Variants in TMEM52B observed in about 807,000 individuals in gnomAD.
The protein encoded by TMEM52B is chromosome 12 open reading frame 59.
In TMEM52B, 11 loss-of-function variants were observed where a neutral mutation model predicts 16.1. The ratio of observed to expected loss-of-function variants is 0.68; its 90% CI spans 0.43 to 1.13. The LOEUF is 1.13. Ranked by LOEUF, TMEM52B falls within the 50% of genes most tolerant of loss-of-function variation. The pLI, the probability that TMEM52B is intolerant of heterozygous loss-of-function variation, is 0.00. For missense variants in TMEM52B, 243 were observed against 230.4 expected, an observed-to-expected ratio of 1.05 and a Z score of -0.35; for synonymous variants, 101 against 93.8, an observed-to-expected ratio of 1.08 and a Z score of -0.45.
chr12:10,177,754 G>C (rs1217706482), upstream of TMEM52B, among the ~76,000 whole-genome samples: 1 of 145,480 alleles, frequency 6.9e-6, no homozygotes, highest in East Asian at 2.1e-4. Context: ...TGGTGACAGA[G>C]AGACTCTGTC....
intron 4 of TMEM52B, 31 bp downstream of exon 4, chr12:10,186,620 A>G: frequency 6.6e-7 from 1 of 1,511,392 alleles, no homozygotes; most frequent in South Asian, 1.3e-5. Context: ...ACCTGGGAGG[A>G]GGACCCAATT....
intron 4 of TMEM52B, among the ~76,000 whole-genome samples, chr12:10,188,562 A>C (rs1161303628): frequency 2.2e-3 from 327 of 151,364 alleles, no homozygotes; most frequent in African/African-American, 6.6e-3. Context: ...AAAAAGAAAA[A>C]GAAAAAGAAA....
upstream of TMEM52B, among the ~76,000 whole-genome samples, chr12:10,177,811 ATAAT>A (rs199565670): frequency 0.098 from 7,955 of 80,824 alleles, 272 homozygotes; most frequent in Middle Eastern, 0.17. Context: ...AATAATAATA[ATAAT>A]TTTTTTATTA....
intron 1 of TMEM52B, among the ~76,000 whole-genome samples, chr12:10,181,284 G>A (rs1340990718): frequency 6.6e-6 from 1 of 152,010 alleles, no homozygotes; most frequent in African/African-American, 2.4e-5. Flanking sequence ...ACATATCTAT[G>A]ATAGAGTTTG....
chr12:10,182,564 A>G lies in TMEM52B; in HGVS notation c.69A>G (p.Arg23=), dbSNP rs1278485605. The G allele has an allele frequency of 6.5e-7, 1 of 1,535,392 alleles. No homozygotes were observed. The highest frequency in any genetic ancestry group is 8.7e-7 in the Non-Finnish European group (1 of 1,146,456). ...TCTTTCTACAGCTTTCTGGGACGAG[A>G]TGTGAGGAAAACTGTGGTAATCCTG... The part of the protein sequence containing the change: ...LLYFILLSGT[R]CEENCGNPEH... The change falls in exon 2 of 5, where the codon AGA becomes AGG. Residue 23 remains arginine (R), a synonymous_variant. Coordinates refer to ENST00000543484, the MANE Select transcript of TMEM52B (RefSeq NM_001384896.1).
In TMEM52B at chr12:10,179,340, A is replaced by T. The variant is rs1948795368; in HGVS notation, c.-235A>T. On this transcript the variant is annotated 5_prime_UTR_variant, in exon 1 of 5. Transcript: ENST00000543484. ...GGAAGTAAATGTGGAGGCCATAGAA[A>T]TAGTAATAAGAATAAAGAAGAAAAA... 1 of 538,526 alleles carries T rather than the reference A, an allele frequency of 1.9e-6. No individual in the cohort carries two copies. The highest frequency in any genetic ancestry group is 1.9e-5 in the African/African-American group (1 of 52,916). The allele number at this position is 538,526 out of a possible 1,614,324, so 33.4% of individuals were successfully genotyped here.
intron 1 of TMEM52B, among the ~76,000 whole-genome samples, chr12:10,171,529 A>G (rs918473296): frequency 3.3e-5 from 5 of 152,152 alleles, no homozygotes; most frequent in Non-Finnish European, 5.9e-5. Flanking sequence ...TGCCTGAAGG[A>G]CTCTTACAGA....
upstream of TMEM52B, among the ~76,000 whole-genome samples, chr12:10,176,922 G>A (rs1170980977): frequency 6.6e-6 from 1 of 152,172 alleles, no homozygotes; most frequent in African/African-American, 2.4e-5. Flanking sequence ...GTGCTCTACT[G>A]TCTTTCTGTC....
chr12:10,174,592 C>T (rs932084759), upstream of TMEM52B, among the ~76,000 whole-genome samples: 5 of 152,280 alleles, frequency 3.3e-5, no homozygotes, highest in Non-Finnish European at 5.9e-5. Flanking sequence ...GTTCTCCACT[C>T]GCTGGCCGAG....
intron 1 of TMEM52B, chr12:10,172,530 G>T: frequency 6.4e-6 from 1 of 155,964 alleles, no homozygotes; most frequent in East Asian, 1.9e-4. Context: ...TGTCTTTTAC[G>T]AATCAGATAT....
At chr12:10,174,263 A>G (rs1328692070), upstream of TMEM52B, among the ~76,000 whole-genome samples, 5 of 151,998 alleles carry the variant, frequency 3.3e-5, no homozygotes, top group Non-Finnish European at 2.9e-5. Flanking sequence ...GGGTTTCACC[A>G]TGTTGGCCAG....
chr12:10,179,731 C>T (rs1948800797), intron 1 of TMEM52B, 103 bp downstream of exon 1: 1 of 1,373,126 alleles, frequency 7.3e-7, no homozygotes, highest in Non-Finnish European at 1.0e-6. Flanking sequence ...GAGACATATA[C>T]AGAACCCAGG....
intron 3 of TMEM52B, 104 bp from the exon 4 acceptor site, chr12:10,186,316 A>C (rs1236645830): frequency 1.3e-6 from 1 of 766,014 alleles, no homozygotes; most frequent in African/African-American, 1.8e-5. Flanking sequence ...ATTCTATAAA[A>C]TGTTTAGACA....
chr12:10,179,518 T>C lies in TMEM52B; in HGVS notation c.-57T>C. The C allele has an allele frequency of 1.3e-6, 2 of 1,577,602 alleles. No individual in the cohort carries two copies. The highest frequency in any genetic ancestry group is 1.7e-6 in the Non-Finnish European group (2 of 1,146,694). On this transcript the variant is annotated 5_prime_UTR_variant, in exon 1 of 5. Coordinates refer to ENST00000543484, the MANE Select transcript of TMEM52B (RefSeq NM_001384896.1). ...AGAAGTAAAATATGGCACAGAGCATTGAAAGGAGGCAACGGATGCCCAGTG... is the reference window on the plus strand; with the variant it reads ...AGAAGTAAAATATGGCACAGAGCATCGAAAGGAGGCAACGGATGCCCAGTG...
chr12:10,188,515 AG>A (rs775776921), intron 4 of TMEM52B, among the ~76,000 whole-genome samples: 15,398 of 129,288 alleles, frequency 0.12, 926 homozygotes, highest in East Asian at 0.22. Flanking sequence ...GAAGGAAGGA[AG>A]GAAGGAAGGA....
rs1948828478 is a variant in TMEM52B at position 10,181,985 on chromosome 12, C to T, written c.55-565C>T. The T allele has an allele frequency of 5.3e-6, 4 of 751,640 alleles. No individual in the cohort carries two copies. In the South Asian group the frequency reaches 2.5e-4, roughly 48 times the overall value. 46.6% of individuals were successfully genotyped at this position (751,640 alleles called of 1,614,324 possible). ...GAGGTTGCAGTGAGCCAAGATCACG[C>T]CACTGCACTCCAGCCTGGGTGACAG... On this transcript the variant is annotated intron_variant, in intron 1 of 4. Transcript: ENST00000543484.
intron 1 of TMEM52B, among the ~76,000 whole-genome samples, chr12:10,180,123 G>T (rs1948805445): frequency 1.3e-5 from 2 of 152,140 alleles, no homozygotes; most frequent in Admixed American, 6.5e-5. Context: ...ATCCATTAGT[G>T]GAGAAAAGGG....
intron 1 of TMEM52B, among the ~76,000 whole-genome samples, chr12:10,181,705 T>A (rs1267408779): frequency 6.6e-6 from 1 of 151,550 alleles, no homozygotes; most frequent in African/African-American, 2.4e-5. Context: ...CCAAGAGGGT[T>A]ATTGTGATTA....
In TMEM52B at chr12:10,185,352, C is replaced by T; in HGVS notation, c.121C>T (p.His41Tyr). 1 of 1,607,754 alleles carries T rather than the reference C, an allele frequency of 6.2e-7. No individual in the cohort carries two copies. Among genetic ancestry groups the T allele is most frequent in the South Asian group, 1.1e-5 (1 of 90,964 alleles). Reference protein sequence around the residue: ...PEHCLTTDWVHLWYIWLLVVI... With the variant: ...PEHCLTTDWVYLWYIWLLVVI... ...TAGTTGCCTGACCACAGACTGGGTA[C>T]ATCTCTGGTATATATGGTAAGTTTC... is the stretch of plus-strand genomic sequence containing the variant. The change falls in exon 3 of 5, where the codon CAT (histidine) becomes TAT (tyrosine). Residue 41 changes from histidine (H) to tyrosine (Y), a missense_variant. Transcript: ENST00000543484.
Sources: gnomAD v4.1 joint callset for allele counts (sites outside exome capture counted in the v4.1 genomes callset) on GRCh38, gnomAD v4.1.1 for gene constraint, MANE v1.5 for transcripts, NCBI Gene and HGNC (gene_info 2026-07-23, HGNC 2026-07-21) for gene names.